MLX: variants seen among roughly 807,000 people sequenced by gnomAD.
MLX encodes MAX dimerization protein MLX, also known as max-like protein X.
A neutral mutation model predicts 33.0 loss-of-function variants in MLX; 15 were observed. The ratio of observed to expected loss-of-function variants is 0.45; its 90% confidence interval spans 0.30 to 0.70. MLX has a LOEUF of 0.70. Ranked by LOEUF, MLX falls within the 30% of genes least tolerant of loss-of-function variation. MLX has a pLI of 0.07. For missense variants in MLX, 285 were observed against 306.3 expected (o/e 0.93, Z 0.52); for synonymous variants, 115 against 115.6 (o/e 0.99, Z 0.03).
rs779728269 is a variant in MLX at position 42,572,988 on chromosome 17, CGTT to C, written c.*1388_*1390del. The C allele has an allele frequency of 1.4e-5, 22 of 1,614,216 alleles. No homozygotes were observed. Among genetic ancestry groups the C allele is most frequent in the South Asian group, 6.6e-5 (6 of 91,084 alleles). On this transcript the variant is annotated 3_prime_UTR_variant, in exon 8 of 8. Coordinates refer to ENST00000435881, the MANE Select transcript of MLX (RefSeq NM_198204.2). ...GCCCCTCAGGGGTCTGGGAGTGTGA[CGTT>C]GTAATCTTCATCCGTCTCTATCCCA... is the stretch of plus-strand genomic sequence containing the variant.
Position 42,567,675 on chromosome 17 carries a change from T to G in MLX, c.79+20T>G, listed in dbSNP as rs766077675. 7 of 1,614,080 alleles carry G rather than the reference T, an allele frequency of 4.3e-6. No individual in the cohort carries two copies. The highest frequency in any genetic ancestry group is 5.9e-6 in the Non-Finnish European group (7 of 1,179,982). The stretch of plus-strand genomic sequence containing the variant: ...ACCCCGGTGAGTAGCTGCCCCATCT[T>G]AAGCTCTAGAGGGACACTCCCGCCC... On this transcript the variant is annotated intron_variant, in intron 2 of 7. Coordinates refer to ENST00000435881, the MANE Select transcript of MLX (RefSeq NM_198204.2).
At position 42,573,070 on chromosome 17, in the gene MLX, C is replaced by A; in HGVS notation, c.*1467C>A. ...TGAATGAGATGTCACCAGGATAAGACCACAGGGAAGCAAAGAAGGAAGAGA... is the reference window on the plus strand; with the variant it reads ...TGAATGAGATGTCACCAGGATAAGAACACAGGGAAGCAAAGAAGGAAGAGA... On this transcript the variant is annotated 3_prime_UTR_variant, in exon 8 of 8. Transcript: ENST00000435881. 1.2e-6 allele frequency: 2 copies of A among 1,614,188 alleles called. No homozygotes were observed. Among genetic ancestry groups the A allele is most frequent in the Non-Finnish European group, 1.7e-6 (2 of 1,179,994 alleles).
At position 42,570,011 on chromosome 17, in the gene MLX, A is replaced by G. The variant is rs665268; in HGVS notation, c.506A>G (p.Gln169Arg). The G allele has an allele frequency of 0.28, 459,571 of 1,613,608 alleles. 68,468 individuals carry two copies. Among genetic ancestry groups the G allele is most frequent in the South Asian group, 0.45 (41,403 of 91,052 alleles). Residue 169 changes from glutamine (Q) to arginine (R), a missense_variant, in exon 7 of 8, where the codon CAG (glutamine) becomes CGG (arginine). Coordinates refer to ENST00000435881, the MANE Select transcript of MLX (RefSeq NM_198204.2). ...TATGAGCAGATTGTGAAGGCACACC[A>G]GGACAACCCCCATGAAGGGGAGGAC... is the stretch of plus-strand genomic sequence containing the variant. ...VNYEQIVKAHQDNPHEGEDQV... is the reference protein window; with the variant it reads ...VNYEQIVKAHRDNPHEGEDQV...
In MLX at chr17:42,570,010, C is replaced by T. The variant is rs1165000260; in HGVS notation, c.505C>T (p.Gln169Ter). Residue 169 changes from glutamine to a stop codon, truncating the protein, a stop_gained, in exon 7 of 8, where the codon CAG becomes TAG. Coordinates refer to ENST00000435881, the MANE Select transcript of MLX (RefSeq NM_198204.2). LOFTEE classifies it high-confidence loss of function. ...VNYEQIVKAH[Q>*]DNPHEGEDQV... The stretch of plus-strand genomic sequence containing the variant: ...CTATGAGCAGATTGTGAAGGCACAC[C>T]AGGACAACCCCCATGAAGGGGAGGA... 2 of 1,613,892 alleles carry T rather than the reference C, an allele frequency of 1.2e-6. No homozygotes were observed. Among genetic ancestry groups the T allele is most frequent in the African/African-American group, 2.7e-5 (2 of 74,912 alleles).
In MLX at chr17:42,572,787, AG is replaced by A. The variant is rs756943581; in HGVS notation, c.*1185del. On this transcript the variant is annotated 3_prime_UTR_variant, in exon 8 of 8. Coordinates refer to ENST00000435881, the MANE Select transcript of MLX (RefSeq NM_198204.2). Reference sequence around the variant, plus strand: ...AATGAAATGGGCTGGGTCTACCCCCAGCCACCAGCCCTCATCCTCTCTACCC... The same window carrying A: ...AATGAAATGGGCTGGGTCTACCCCCACCACCAGCCCTCATCCTCTCTACCC... 4.0e-6 allele frequency: 3 copies of A among 745,852 alleles called. No homozygotes were observed. In the African/African-American group the frequency reaches 5.2e-5, roughly 13 times the overall value. The allele number at this position is 745,852 out of a possible 1,614,324, so 46.2% of individuals were successfully genotyped here.
Position 42,567,105 on chromosome 17 carries a change from T to G in MLX, c.-20T>G. 2 of 1,241,606 alleles carry G rather than the reference T, an allele frequency of 1.6e-6. No individual in the cohort carries two copies. Among genetic ancestry groups the G allele is most frequent in the Non-Finnish European group, 2.0e-6 (2 of 992,538 alleles). 76.9% of individuals were successfully genotyped at this position (1,241,606 alleles called of 1,614,324 possible). On this transcript the variant is annotated 5_prime_UTR_variant, in exon 1 of 8. Transcript: ENST00000435881. ...CAGGGGGCCCGCCCGCTGGCCCGTT[T>G]CCGGTCCGGTGGGTACAAGATGACG...
intron 1 of MLX, 138 bp from the exon 2 acceptor site, chr17:42,567,481 G>T: frequency 6.8e-7 from 1 of 1,476,452 alleles, no homozygotes; most frequent in Admixed American, 2.0e-5. Context: ...CGCACCCCGG[G>T]CTGTGTGTGT....
chr17:42,567,516 G>T, intron 1 of MLX, 103 bp from the exon 2 acceptor site: 1 of 1,578,654 alleles, frequency 6.3e-7, no homozygotes, highest in South Asian at 1.1e-5. Flanking sequence ...TGACAGAGGC[G>T]CCTTCCCGGA....
chr17:42,569,752 C>A lies in MLX; in HGVS notation c.476+146C>A, dbSNP rs2093023215. On this transcript the variant is annotated intron_variant, in intron 6 of 7. Transcript: ENST00000435881. ...AGCCAGTAGGACTGTGTATCCCCAACTGTCCTTACACATGGCAGACACTCA... is the reference window on the plus strand; with the variant it reads ...AGCCAGTAGGACTGTGTATCCCCAAATGTCCTTACACATGGCAGACACTCA... 5.3e-6 allele frequency: 4 copies of A among 751,146 alleles called. No individual in the cohort carries two copies. The Admixed American group carries it at 6.5e-5, about 12-fold the overall frequency. The allele number at this position is 751,146 out of a possible 1,614,324, so 46.5% of individuals were successfully genotyped here.
At position 42,571,138 on chromosome 17, in the gene MLX, C is replaced by CTTTT. The variant is rs928314305; in HGVS notation, c.679-395_679-392dup. Among the ~76,000 whole-genome samples, 261 of 130,428 alleles carry CTTTT rather than the reference C, an allele frequency of 2.0e-3. 2 individuals are homozygous for CTTTT. Among genetic ancestry groups the CTTTT allele is most frequent in the African/African-American group, 7.4e-3 (251 of 33,846 alleles). The allele number at this position is 130,428 out of a possible 152,430, so 85.6% of individuals were successfully genotyped here. ...TGCAGACATCAGTACTTCCTGGGGG[C>CTTTT]TTTTTTTTTTTTTTTTTGAGACGGA... On this transcript the variant is annotated intron_variant, in intron 7 of 7. Coordinates refer to ENST00000435881, the MANE Select transcript of MLX (RefSeq NM_198204.2).
intron 3 of MLX, 108 bp downstream of exon 3, chr17:42,568,667 A>G (rs1299675418): frequency 2.5e-6 from 3 of 1,176,924 alleles, no homozygotes; most frequent in Non-Finnish European, 3.8e-6. Flanking sequence ...TGCTGGAGCC[A>G]AAGTATCAGA....
chr17:42,569,212 T>G lies in MLX; in HGVS notation c.285T>G (p.Tyr95Ter). ...QKRRDAIKRG[Y>*]DDLQTIVPTC... ...CCCTGCTGTTTCCACAGAGAGGCTATGATGACCTTCAGACCATCGTCCCCA... is the reference window on the plus strand; with the variant it reads ...CCCTGCTGTTTCCACAGAGAGGCTAGGATGACCTTCAGACCATCGTCCCCA... Residue 95 changes from tyrosine to a stop codon, truncating the protein, a stop_gained, in exon 5 of 8, where the codon TAT (tyrosine) becomes TAG (stop). Coordinates refer to ENST00000435881, the MANE Select transcript of MLX (RefSeq NM_198204.2). LOFTEE classifies it high-confidence loss of function. 3.1e-6 allele frequency: 5 copies of G among 1,614,046 alleles called. No homozygotes were observed. Among genetic ancestry groups the G allele is most frequent in the Non-Finnish European group, 4.2e-6 (5 of 1,179,962 alleles).
intron 3 of MLX, 102 bp downstream of exon 3, chr17:42,568,661 G>A (rs2093018942): frequency 4.1e-6 from 5 of 1,224,780 alleles, no homozygotes; most frequent in Middle Eastern, 1.9e-4. Flanking sequence ...CAGGGGTGCT[G>A]GAGCCAAAGT....
intron 4 of MLX, 126 bp downstream of exon 4, chr17:42,569,069 C>T: frequency 2.4e-6 from 3 of 1,255,990 alleles, no homozygotes; most frequent in Non-Finnish European, 3.5e-6. Context: ...TAGTCCCAGG[C>T]ACAAACACCT....
At chr17:42,568,384 A>T in intron 2 of MLX, 86 bp from the exon 3 acceptor site, 3 of 885,170 alleles carry the variant, frequency 3.4e-6, no homozygotes, top group Non-Finnish European at 5.4e-6. Context: ...AATAAATAAA[A>T]GAAAGCCATT....
intron 2 of MLX, 148 bp downstream of exon 2, chr17:42,567,803 G>A (rs2093014917): frequency 9.7e-7 from 1 of 1,034,288 alleles, no homozygotes. Flanking sequence ...AAGGACAAGG[G>A]CAGAAAACAA....
intron 2 of MLX, chr17:42,567,906 C>T: frequency 8.7e-6 from 5 of 576,750 alleles, no homozygotes; most frequent in Non-Finnish European, 1.5e-5. Context: ...CACTCACACC[C>T]TCATCACGTC....
At chr17:42,567,532 G>A in intron 1 of MLX, 87 bp from the exon 2 acceptor site, 1 of 1,594,828 alleles carries the variant, frequency 6.3e-7, no homozygotes, top group Non-Finnish European at 8.6e-7. Flanking sequence ...CCGGAATGGG[G>A]GGCGCGCTGT....
chr17:42,572,950 G>GAC lies in MLX; in HGVS notation c.*1347_*1348insAC. On this transcript the variant is annotated 3_prime_UTR_variant, in exon 8 of 8. Coordinates refer to ENST00000435881, the MANE Select transcript of MLX (RefSeq NM_198204.2). ...TTCTGACATCCTGCAGTCCCCACCA[G>GAC]TCCTGACCGTGGGCCCCTCAGGGGT... The GAC allele has an allele frequency of 6.2e-7, 1 of 1,613,526 alleles. No individual in the cohort carries two copies. The highest frequency in any genetic ancestry group is 8.5e-7 in the Non-Finnish European group (1 of 1,179,624).
Sources: allele counts gnomAD v4.1 joint callset (sites outside exome capture counted in the v4.1 genomes callset), GRCh38; gene constraint gnomAD v4.1.1; transcripts MANE v1.5; gene names NCBI Gene and HGNC (gene_info 2026-07-23, HGNC 2026-07-21).